Variants in IL22RA1 observed in about 807,000 individuals in gnomAD.
The protein encoded by IL22RA1 is interleukin-22 receptor subunit alpha-1.
IL22RA1 carries 25 observed loss-of-function variants against 32.8 expected under a neutral mutation model. The ratio of observed to expected loss-of-function variants is 0.76; its 90% CI spans 0.55 to 1.06. The LOEUF is 1.06. Ranked by LOEUF, IL22RA1 falls within the 50% of genes least tolerant of loss-of-function variation. The pLI, the probability that IL22RA1 is intolerant of heterozygous loss-of-function variation, is 0.00. For missense variants in IL22RA1, 709 were observed against 727.4 expected, an observed-to-expected ratio of 0.97 and a Z score of 0.29; for synonymous variants, 305 against 305.0, an observed-to-expected ratio of 1.00 and a Z score of 0.00.
intron 1 of IL22RA1, among the ~76,000 whole-genome samples, chr1:24,142,761 C>T (rs544448623): frequency 1.2e-4 from 18 of 152,316 alleles, no homozygotes; most frequent in South Asian, 2.1e-4. Flanking sequence ...TGAGGTGCAG[C>T]GATCCAGCAC....
Position 24,137,297 on chromosome 1 carries a change from C to A in IL22RA1, c.189G>T (p.Arg63Ser). The change falls in exon 3 of 7, where the codon AGG becomes AGT. Residue 63 changes from arginine (R) to serine (S), a missense_variant. Coordinates refer to ENST00000270800, the MANE Select transcript of IL22RA1 (RefSeq NM_021258.4). ...GACAGCCCTTCTTTGCCACCCAGTC[C>A]CTCTCTCCGTACCTGCAGGTCAGGA... is the stretch of plus-strand genomic sequence containing the variant. ...YSIEYKTYGE[R>S]DWVAKKGCQR... is the part of the protein sequence containing the mutation. 1 of 1,613,990 alleles carries A rather than the reference C, an allele frequency of 6.2e-7. No individual in the cohort carries two copies. The highest frequency in any genetic ancestry group is 8.5e-7 in the Non-Finnish European group (1 of 1,179,962).
rs370696950 is a variant in IL22RA1, at chr1:24,121,471, T to C, written c.1059A>G (p.Pro353=). 5.2e-6 allele frequency: 8 copies of C among 1,549,738 alleles called. No individual in the cohort carries two copies. The highest frequency in any genetic ancestry group is 7.0e-6 in the Non-Finnish European group (8 of 1,145,730). ...GGGGCCCGACCTCAGGGGCAGCGTT[T>C]GGGGCATAGGACAGTGGGGAGAGGA... The part of the protein sequence containing the change: ...PQILSPLSYA[P]NAAPEVGPPS... Residue 353 remains proline (P), a synonymous_variant, in exon 7 of 7, where the codon CCA becomes CCG. Transcript: ENST00000270800.
chr1:24,137,082 C>T, intron 3 of IL22RA1, 49 bp downstream of exon 3: 1 of 1,572,722 alleles, frequency 6.4e-7, no homozygotes, highest in Non-Finnish European at 8.7e-7. Context: ...CCGCAAACAC[C>T]TGCGCTTTCC....
At chr1:24,142,924 G>A in intron 1 of IL22RA1, 116 bp downstream of exon 1, 1 of 994,726 alleles carries the variant, frequency 1.0e-6, no homozygotes. Flanking sequence ...CTCAGCCCTA[G>A]CAGGGGAGAA....
chr1:24,128,602 C>T (rs1036082351), intron 4 of IL22RA1, among the ~76,000 whole-genome samples: 15 of 151,720 alleles, frequency 9.9e-5, no homozygotes, highest in African/African-American at 3.6e-4. Context: ...CCTCCACCAC[C>T]CTCCCACGCT....
At chr1:24,126,901 T>C (rs1222003769) in intron 5 of IL22RA1, among the ~76,000 whole-genome samples, 2 of 152,032 alleles carry the variant, frequency 1.3e-5, no homozygotes, top group East Asian at 3.9e-4. Flanking sequence ...CTGGGCGTGA[T>C]GGCTCATGCC....
rs1362631362 is a variant in IL22RA1 at position 24,119,919 on chromosome 1, T to G, written c.*886A>C. 6.6e-6 allele frequency: 1 copy of G among 152,232 alleles called. No individual in the cohort carries two copies. The highest frequency in any genetic ancestry group is 2.4e-5 in the African/African-American group (1 of 41,436). The allele number at this position is 152,232 out of a possible 1,614,324, so 9.4% of individuals were successfully genotyped here. A position where few individuals can be genotyped will look rare whatever the true frequency, so the allele number is the denominator to read the frequency against. On this transcript the variant is annotated 3_prime_UTR_variant, in exon 7 of 7. Transcript: ENST00000270800. ...ATGAGGAAACCGAGGTTCTGGGCACTGATTTCATTTGTTTGAAGTCACACA... is the reference window on the plus strand; with the variant it reads ...ATGAGGAAACCGAGGTTCTGGGCACGGATTTCATTTGTTTGAAGTCACACA...
rs769873914 is a variant in IL22RA1 at position 24,121,583 on chromosome 1, G to A, written c.947C>T (p.Pro316Leu). ...GATCTCGGACAGGCTATGCCGCTGT[G>A]GAGCTCCTGCGGGCTCCCTGGGTCC... is the stretch of plus-strand genomic sequence containing the variant. ...VSGPREPAGA[P>L]QRHSLSEITY... The change falls in exon 7 of 7, where the codon CCA becomes CTA. Residue 316 changes from proline (P) to leucine (L), a missense_variant. By Grantham distance (98) the Pro-to-Leu change is moderately conservative. Coordinates refer to ENST00000270800, the MANE Select transcript of IL22RA1 (RefSeq NM_021258.4). 87 of 1,612,342 alleles carry A rather than the reference G, an allele frequency of 5.4e-5. No individual in the cohort carries two copies. The highest frequency in any genetic ancestry group is 6.5e-5 in the Non-Finnish European group (77 of 1,178,894).
At chr1:24,131,584 T>C (rs556510214) in intron 4 of IL22RA1, among the ~76,000 whole-genome samples, 1 of 152,312 alleles carries the variant, frequency 6.6e-6, no homozygotes, top group South Asian at 2.1e-4. Context: ...TAAATATATA[T>C]GTATTTAATA....
At chr1:24,125,472 G>C (rs1393606961) in intron 5 of IL22RA1, among the ~76,000 whole-genome samples, 4 of 152,204 alleles carry the variant, frequency 2.6e-5, no homozygotes, top group Admixed American at 2.6e-4. Context: ...TATCTACGGA[G>C]AGGTAGGTAA....
chr1:24,128,395 C>T, intron 4 of IL22RA1, 116 bp from the exon 5 acceptor site: 3 of 1,257,608 alleles, frequency 2.4e-6, no homozygotes, highest in Admixed American at 1.8e-5. Flanking sequence ...GGTCTGTCTT[C>T]AGCCTCTGTT....
intron 1 of IL22RA1, among the ~76,000 whole-genome samples, chr1:24,139,979 C>G (rs772338826): frequency 6.6e-6 from 1 of 152,292 alleles, no homozygotes; most frequent in East Asian, 1.9e-4. Flanking sequence ...TGAGCCCACA[C>G]GTGGGCAGGG....
chr1:24,120,880 G>A lies in IL22RA1; in HGVS notation c.1650C>T (p.Thr550=). ...GTTCTGTGGGCTGCTCCAGGTCTGA[G>A]GTCTCAGGGGCTGGGCTCTTGGCTT... ...KDEAKSPAPE[T]SDLEQPTELD... The change falls in exon 7 of 7, where the codon ACC becomes ACT. Residue 550 remains threonine, a synonymous_variant. Transcript: ENST00000270800. 1.2e-6 allele frequency: 2 copies of A among 1,614,232 alleles called. No individual in the cohort carries two copies. The highest frequency in any genetic ancestry group is 1.1e-5 in the South Asian group (1 of 91,086).
chr1:24,130,777 T>C (rs1644198891), intron 4 of IL22RA1, among the ~76,000 whole-genome samples: 1 of 152,222 alleles, frequency 6.6e-6, no homozygotes, highest in Admixed American at 6.5e-5. Context: ...CAATCTCAGC[T>C]CACTGCAACC....
At chr1:24,125,813 A>G (rs1157309498) in intron 5 of IL22RA1, among the ~76,000 whole-genome samples, 1 of 152,256 alleles carries the variant, frequency 6.6e-6, no homozygotes, top group African/African-American at 2.4e-5. Context: ...ATATATGTAA[A>G]GCATTTGGCA....
intron 5 of IL22RA1, among the ~76,000 whole-genome samples, chr1:24,124,119 G>A (rs1160671039): frequency 6.6e-6 from 1 of 152,156 alleles, no homozygotes; most frequent in Non-Finnish European, 1.5e-5. Context: ...TCTTCATCTT[G>A]CAAGGAGGGG....
Position 24,121,321 on chromosome 1 carries a change from A to T in IL22RA1, c.1209T>A (p.Tyr403Ter). ...TGCCAGAACCTTCCATGCATACCCC[A>T]TAGGAGGGAGGCCAGCTGTCCGGAG... is the stretch of plus-strand genomic sequence containing the variant. The part of the protein sequence containing the change: ...QATPDSWPPS[Y>*]GVCMEGSGKD... The change falls in exon 7 of 7, where the codon TAT becomes TAA. Residue 403 changes from tyrosine (Y) to a stop codon, truncating the protein, a stop_gained. Coordinates refer to ENST00000270800, the MANE Select transcript of IL22RA1 (RefSeq NM_021258.4). LOFTEE classifies it low-confidence loss of function (END_TRUNC). 6.2e-7 allele frequency: 1 copy of T among 1,609,390 alleles called. No individual in the cohort carries two copies. Among genetic ancestry groups the T allele is most frequent in the Non-Finnish European group, 8.5e-7 (1 of 1,176,748 alleles).
In IL22RA1 at chr1:24,131,420, A is replaced by C. The variant is rs1386270437; in HGVS notation, c.531+2791T>G. Among the ~76,000 whole-genome samples the C allele has an allele frequency of 2.6e-5, 4 of 152,360 alleles. No homozygotes were observed. In the South Asian group the frequency reaches 6.2e-4, roughly 24 times the overall value. ...TAATAACAGAGGCAGATTGAAAATG[A>C]ATGTAAAAACATATATTATGCAAAC... On this transcript the variant is annotated intron_variant, in intron 4 of 6. Coordinates refer to ENST00000270800, the MANE Select transcript of IL22RA1 (RefSeq NM_021258.4).
At position 24,142,185 on chromosome 1, in the gene IL22RA1, G is replaced by A. The variant is rs926602786; in HGVS notation, c.43+855C>T. On this transcript the variant is annotated intron_variant, in intron 1 of 6. Coordinates refer to ENST00000270800, the MANE Select transcript of IL22RA1 (RefSeq NM_021258.4). Reference sequence around the variant, plus strand: ...CCACAGAGCTGGAAGCCCTGGAGACGCAGGCAGCCCTGGCGGGACAGTGGC... The same window carrying A: ...CCACAGAGCTGGAAGCCCTGGAGACACAGGCAGCCCTGGCGGGACAGTGGC... Among the ~76,000 whole-genome samples, 4 of 152,302 alleles carry A rather than the reference G, an allele frequency of 2.6e-5. No homozygotes were observed. The East Asian group carries it at 7.7e-4, about 29-fold the overall frequency.
Sources: allele counts gnomAD v4.1 joint callset (sites outside exome capture counted in the v4.1 genomes callset), GRCh38; gene constraint gnomAD v4.1.1; transcripts MANE v1.5; gene names NCBI Gene and HGNC (gene_info 2026-07-23, HGNC 2026-07-21).